The following RUNX2 variants were observed in gnomAD, a reference collection of about 807,000 sequenced individuals.
RUNX2 encodes the protein runt-related transcription factor 2.
Under a neutral mutation model 51.7 loss-of-function variants are expected in RUNX2, and 10 were observed. That is an observed-to-expected ratio of 0.19 (90% CI 0.12 to 0.33). The LOEUF (loss-of-function observed/expected upper bound fraction) is 0.33, where lower values mean the gene tolerates loss of function less well. Ranked by LOEUF, RUNX2 falls within the 10% of genes least tolerant of loss-of-function variation. The pLI, the probability that RUNX2 is intolerant of heterozygous loss-of-function variation, is 1.00. For synonymous variants in RUNX2, 276 were observed against 273.6 expected, an observed-to-expected ratio of 1.01 and a Z score of -0.09; for missense variants, 562 against 691.3, an observed-to-expected ratio of 0.81 and a Z score of 2.10.
intron 6 of RUNX2, among the ~76,000 whole-genome samples, chr6:45,509,668 C>T (rs898890889): frequency 6.6e-6 from 1 of 152,216 alleles, no homozygotes; most frequent in Non-Finnish European, 1.5e-5. Context: ...AGCTGGCACG[C>T]CAACTCAGAT....
chr6:45,524,184 G>A (rs1801598832), intron 7 of RUNX2, among the ~76,000 whole-genome samples: 1 of 152,122 alleles, frequency 6.6e-6, no homozygotes, highest in Admixed American at 6.5e-5. Context: ...TTGGTCTGAG[G>A]CAAATCTAGG....
chr6:45,401,366 A>G (rs992062635), intron 2 of RUNX2, among the ~76,000 whole-genome samples: 8 of 152,342 alleles, frequency 5.3e-5, no homozygotes, highest in Middle Eastern at 3.4e-3. Context: ...TCTTTAATCC[A>G]TTTAACAATG....
chr6:45,470,216 G>A (rs1045871611), intron 5 of RUNX2, among the ~76,000 whole-genome samples: 1 of 152,146 alleles, frequency 6.6e-6, no homozygotes, highest in African/African-American at 2.4e-5. Context: ...TTCTGAAGTA[G>A]GAAGTATTTG....
Position 45,547,658 on chromosome 6 carries a change from G to A in RUNX2, c.*353G>A. On this transcript the variant is annotated 3_prime_UTR_variant, in exon 9 of 9. Transcript: ENST00000647337. ...TGCCAATTCAGAGAGGTGGACTCCAGGTTCAGGAGGGAGAAGAGCAAAGCC... is the reference window on the plus strand; with the variant it reads ...TGCCAATTCAGAGAGGTGGACTCCAAGTTCAGGAGGGAGAAGAGCAAAGCC... The A allele has an allele frequency of 3.1e-6, 1 of 321,756 alleles. No homozygotes were observed. The highest frequency in any genetic ancestry group is 2.8e-5 in the South Asian group (1 of 35,886). 19.9% of individuals were successfully genotyped at this position (321,756 alleles called of 1,614,324 possible). A position where few individuals can be genotyped will look rare whatever the true frequency, so the allele number is the denominator to read the frequency against.
At chr6:45,364,454 T>C (rs549715673) in intron 2 of RUNX2, among the ~76,000 whole-genome samples, 6 of 152,310 alleles carry the variant, frequency 3.9e-5, no homozygotes, top group African/African-American at 1.4e-4. Context: ...TCATGAATAA[T>C]GTATCCACAG....
chr6:45,451,442 A>G (rs563306394), intron 5 of RUNX2, among the ~76,000 whole-genome samples: 112 of 152,344 alleles, frequency 7.4e-4, no homozygotes, highest in African/African-American at 2.5e-3. Flanking sequence ...CCCGAAGGTG[A>G]TCTGGGTTTC....
intron 2 of RUNX2, among the ~76,000 whole-genome samples, chr6:45,359,683 C>G (rs1354590852): frequency 6.6e-6 from 1 of 152,072 alleles, no homozygotes; most frequent in Non-Finnish European, 1.5e-5. Context: ...CTTTTGGTTA[C>G]TGATATGCCC....
chr6:45,498,303 C>G (rs1166207889), intron 6 of RUNX2, among the ~76,000 whole-genome samples: 1 of 152,162 alleles, frequency 6.6e-6, no homozygotes, highest in Non-Finnish European at 1.5e-5. Context: ...GAAATTGATT[C>G]TTGGAGAAAT....
chr6:45,482,078 A>G (rs1043343220), intron 5 of RUNX2, among the ~76,000 whole-genome samples: 2 of 152,234 alleles, frequency 1.3e-5, no homozygotes, highest in African/African-American at 4.8e-5. Flanking sequence ...GTGTATTAGG[A>G]CATGGGAGAG....
chr6:45,429,755 C>T (rs1798486662), intron 3 of RUNX2, among the ~76,000 whole-genome samples: 1 of 152,148 alleles, frequency 6.6e-6, no homozygotes, highest in Admixed American at 6.5e-5. Context: ...AGACTTCTGT[C>T]TCTGCGAAGT....
intron 2 of RUNX2, among the ~76,000 whole-genome samples, chr6:45,371,415 A>G (rs1199306876): frequency 6.7e-6 from 1 of 149,968 alleles, no homozygotes; most frequent in Non-Finnish European, 1.5e-5. Context: ...TTTTTTCACA[A>G]TTACCCTACA....
chr6:45,430,322 G>A (rs1798508118), intron 3 of RUNX2, among the ~76,000 whole-genome samples: 1 of 152,108 alleles, frequency 6.6e-6, no homozygotes, highest in African/African-American at 2.4e-5. Context: ...AGGATCACTT[G>A]AGTACATTGG....
At chr6:45,360,420 G>A (rs16873364) in intron 2 of RUNX2, among the ~76,000 whole-genome samples, 2 of 151,848 alleles carry the variant, frequency 1.3e-5, no homozygotes, top group South Asian at 4.2e-4. Flanking sequence ...TTACCTTCAG[G>A]GTTTTTCTTT....
At chr6:45,509,358 T>G (rs1214711707) in intron 6 of RUNX2, among the ~76,000 whole-genome samples, 1 of 152,230 alleles carries the variant, frequency 6.6e-6, no homozygotes, top group African/African-American at 2.4e-5. Context: ...ATACTTAATA[T>G]GTGCTAAGAG....
At chr6:45,533,518 G>A (rs1403498754) in intron 7 of RUNX2, among the ~76,000 whole-genome samples, 1 of 152,104 alleles carries the variant, frequency 6.6e-6, no homozygotes, top group African/African-American at 2.4e-5. Flanking sequence ...ACTCTAAAAG[G>A]GACGTTTTTC....
At chr6:45,461,527 G>A (rs1799476267) in intron 5 of RUNX2, among the ~76,000 whole-genome samples, 1 of 152,186 alleles carries the variant, frequency 6.6e-6, no homozygotes. Flanking sequence ...CAACATCATG[G>A]AGAAGGAAAG....
intron 5 of RUNX2, 123 bp downstream of exon 5, chr6:45,438,174 C>A (rs1798743584): frequency 4.3e-6 from 3 of 695,724 alleles, no homozygotes; most frequent in Admixed American, 2.2e-5. Context: ...TTGCTATCTG[C>A]ATATATTTTT....
At chr6:45,512,190 G>A in intron 6 of RUNX2, 56 bp from the exon 7 acceptor site, 4 of 1,583,878 alleles carry the variant, frequency 2.5e-6, no homozygotes, top group Non-Finnish European at 3.4e-6. Flanking sequence ...TGGGTTGCAT[G>A]TTTCTAAGGC....
At chr6:45,334,658 CTATG>C (rs1788190915) in intron 2 of RUNX2, among the ~76,000 whole-genome samples, 1 of 151,054 alleles carries the variant, frequency 6.6e-6, no homozygotes, top group South Asian at 2.1e-4. Flanking sequence ...TTTCTTCTGG[CTATG>C]TTTGTCTTAA....
Sources: gnomAD v4.1 joint callset for allele counts (sites outside exome capture counted in the v4.1 genomes callset) on GRCh38, gnomAD v4.1.1 for gene constraint, MANE v1.5 for transcripts, NCBI Gene and HGNC (gene_info 2026-07-23, HGNC 2026-07-21) for gene names.